TPRG1: variants seen among roughly 807,000 people sequenced by gnomAD.
TPRG1 encodes tumor protein p63 regulated 1.
TPRG1 carries 29 observed loss-of-function variants against 29.3 expected under a neutral mutation model. The observed-to-expected ratio is 0.99, with a 90% confidence interval of 0.74 to 1.35. TPRG1 has a LOEUF of 1.35. Ranked by LOEUF, TPRG1 falls within the 40% of genes most tolerant of loss-of-function variation. The probability of loss-of-function intolerance (pLI) is 0.00; values close to 1 mark genes in which losing one functional copy is unlikely to be tolerated. For synonymous variants in TPRG1, 130 were observed against 116.8 expected (o/e 1.11, Z -0.73); for missense variants, 327 against 335.0 (o/e 0.98, Z 0.19).
intron 4 of TPRG1, among the ~76,000 whole-genome samples, chr3:189,085,644 T>C (rs189460676): frequency 1.3e-5 from 2 of 152,276 alleles, no homozygotes; most frequent in African/African-American, 4.8e-5. Context: ...AAGAAGTATT[T>C]GAAGCAAATA....
At chr3:189,071,166 T>C (rs949679000) in intron 4 of TPRG1, among the ~76,000 whole-genome samples, 2 of 151,810 alleles carry the variant, frequency 1.3e-5, no homozygotes, top group African/African-American at 4.8e-5. Flanking sequence ...CAGAGAATCC[T>C]GTTATTCCTG....
intron 3 of TPRG1, among the ~76,000 whole-genome samples, chr3:189,012,404 T>C (rs978692897): frequency 2.6e-5 from 4 of 152,166 alleles, no homozygotes; most frequent in African/African-American, 9.7e-5. Context: ...TTTTTGTCTT[T>C]AAGTATGTGA....
upstream of TPRG1, among the ~76,000 whole-genome samples, chr3:189,168,583 A>G (rs532436955): frequency 9.2e-5 from 14 of 152,318 alleles, no homozygotes; most frequent in Non-Finnish European, 1.6e-4. Context: ...GAGGGTAGAC[A>G]GATGCATATT....
At chr3:189,032,092 G>T (rs1713963173) in intron 4 of TPRG1, among the ~76,000 whole-genome samples, 1 of 152,080 alleles carries the variant, frequency 6.6e-6, no homozygotes, top group African/African-American at 2.4e-5. Flanking sequence ...AGCAAAAGAG[G>T]CTTTGCCGAT....
At chr3:189,201,823 G>T (rs977379620) in intron 1 of TPRG1, among the ~76,000 whole-genome samples, 1 of 151,938 alleles carries the variant, frequency 6.6e-6, no homozygotes, top group Admixed American at 6.6e-5. Context: ...GCTAATTTTT[G>T]TATTTTTAGT....
At chr3:189,085,447 A>ATGTGTGTGTGTGCGTG (rs1553900877) in intron 4 of TPRG1, among the ~76,000 whole-genome samples, 2 of 121,922 alleles carry the variant, frequency 1.6e-5, no homozygotes, top group African/African-American at 8.6e-5. Context: ...GTGTGTGTGC[A>ATGTGTGTGTGTGCGTG]TGTGTGTGTG....
At chr3:189,268,882 T>C (rs539713602) in intron 4 of TPRG1, among the ~76,000 whole-genome samples, 53 of 152,212 alleles carry the variant, frequency 3.5e-4, no homozygotes, top group Non-Finnish European at 6.2e-4. Context: ...TCTTTCAGGC[T>C]TTAGGGTGCT....
chr3:189,120,539 TA>T (rs1031798642), intron 1 of TPRG1, among the ~76,000 whole-genome samples: 9 of 152,284 alleles, frequency 5.9e-5, no homozygotes, highest in African/African-American at 1.9e-4. Context: ...TACTGACATT[TA>T]AAAAAATGCT....
At chr3:189,266,687 A>G (rs1714151868) in intron 4 of TPRG1, among the ~76,000 whole-genome samples, 1 of 152,134 alleles carries the variant, frequency 6.6e-6, no homozygotes, top group African/African-American at 2.4e-5. Flanking sequence ...CAAAACAGTG[A>G]CCTTAAACCC....
At chr3:189,164,251 C>T (rs1727863554) in intron 5 of TPRG1, among the ~76,000 whole-genome samples, 5 of 152,144 alleles carry the variant, frequency 3.3e-5, no homozygotes, top group Admixed American at 3.3e-4. Context: ...CAACATCCAC[C>T]TTACAGGTTC....
At chr3:189,038,511 G>C (rs1714426403) in intron 4 of TPRG1, among the ~76,000 whole-genome samples, 1 of 151,968 alleles carries the variant, frequency 6.6e-6, no homozygotes, top group Non-Finnish European at 1.5e-5. Flanking sequence ...AAAATGTAAA[G>C]ATAAACTGGT....
chr3:189,086,317 G>A (rs562718228), intron 4 of TPRG1, among the ~76,000 whole-genome samples: 2 of 151,878 alleles, frequency 1.3e-5, no homozygotes, highest in East Asian at 1.9e-4. Flanking sequence ...CACCCAGATT[G>A]TGGGTGGGTC....
At chr3:189,201,840 G>A (rs1733549109) in intron 1 of TPRG1, among the ~76,000 whole-genome samples, 1 of 151,902 alleles carries the variant, frequency 6.6e-6, no homozygotes, top group Non-Finnish European at 1.5e-5. Context: ...TAGTAGAGAT[G>A]GGGTTTCACC....
intron 4 of TPRG1, among the ~76,000 whole-genome samples, chr3:189,074,815 CT>C (rs11285539): frequency 0.17 from 25,112 of 147,682 alleles, 3,971 homozygotes; most frequent in African/African-American, 0.42. Flanking sequence ...GTCAGCCTAC[CT>C]TTTTTTTTTT....
At chr3:189,127,661 A>T (rs1722640748) in intron 2 of TPRG1, among the ~76,000 whole-genome samples, 1 of 152,196 alleles carries the variant, frequency 6.6e-6, no homozygotes, top group Non-Finnish European at 1.5e-5. Context: ...AGGTCTTTTT[A>T]TAGCAATGTG....
At chr3:189,189,214 GT>G (rs1731348971) in intron 1 of TPRG1, among the ~76,000 whole-genome samples, 1 of 151,786 alleles carries the variant, frequency 6.6e-6, no homozygotes, top group Non-Finnish European at 1.5e-5. Context: ...CCTTGTAAAT[GT>G]TTTTTTATAC....
intron 2 of TPRG1, among the ~76,000 whole-genome samples, chr3:189,128,825 A>G (rs1427196434): frequency 2.6e-5 from 4 of 152,116 alleles, no homozygotes; most frequent in African/African-American, 7.2e-5. Context: ...GCTGGAGTGC[A>G]AGGGCGCAAT....
At chr3:189,309,667 T>G (rs899371366) in intron 4 of TPRG1, among the ~76,000 whole-genome samples, 6 of 152,296 alleles carry the variant, frequency 3.9e-5, no homozygotes, top group African/African-American at 1.4e-4. Flanking sequence ...CCCTGTTATC[T>G]CAAGCTTACT....
chr3:189,140,517 C>G (rs1724404583), intron 3 of TPRG1, among the ~76,000 whole-genome samples: 1 of 152,182 alleles, frequency 6.6e-6, no homozygotes, highest in South Asian at 2.1e-4. Context: ...ATTCCCAAAT[C>G]TGATGCTTAA....
Sources: allele counts gnomAD v4.1 joint callset (sites outside exome capture counted in the v4.1 genomes callset), GRCh38; gene constraint gnomAD v4.1.1; transcripts MANE v1.5; gene names NCBI Gene and HGNC (gene_info 2026-07-23, HGNC 2026-07-21).